Variants in RNF216 observed in about 807,000 individuals in gnomAD.
RNF216 encodes the protein E3 ubiquitin-protein ligase RNF216.
Under a neutral mutation model 110.8 loss-of-function variants are expected in RNF216, and 72 were observed. That is an observed-to-expected ratio of 0.65 (90% CI 0.54 to 0.79). RNF216 has a LOEUF of 0.79. Ranked by LOEUF, RNF216 falls within the 30% of genes least tolerant of loss-of-function variation. The probability of loss-of-function intolerance (pLI) is 0.00; values close to 1 mark genes in which losing one functional copy is unlikely to be tolerated. For missense variants in RNF216, 1,342 were observed against 1,141.2 expected, an observed-to-expected ratio of 1.18 and a Z score of -2.54; for synonymous variants, 495 against 407.5, an observed-to-expected ratio of 1.21 and a Z score of -2.59.
At chr7:5,691,444 CAA>C (rs1286948593) in intron 13 of RNF216, among the ~76,000 whole-genome samples, 3 of 148,192 alleles carry the variant, frequency 2.0e-5, no homozygotes, top group East Asian at 4.0e-4. Flanking sequence ...CGTAAGTGTA[CAA>C]GAGAGGTTTC....
intron 2 of RNF216, among the ~76,000 whole-genome samples, chr7:5,758,464 G>C (rs189624649): frequency 8.5e-5 from 13 of 152,176 alleles, no homozygotes; most frequent in Admixed American, 4.6e-4. Flanking sequence ...GAGCAACACT[G>C]ATTTCAACAG....
intron 14 of RNF216, among the ~76,000 whole-genome samples, chr7:5,643,695 G>C (rs535774016): frequency 1.4e-4 from 21 of 152,118 alleles, no homozygotes; most frequent in Non-Finnish European, 2.2e-4. Context: ...ACATAAAATT[G>C]ACTTTTTAAA....
intron 14 of RNF216, among the ~76,000 whole-genome samples, chr7:5,646,329 T>G (rs541854488): frequency 6.6e-6 from 1 of 151,064 alleles, no homozygotes; most frequent in East Asian, 2.0e-4. Flanking sequence ...GATCGCATCA[T>G]TGCCACTGCA....
At chr7:5,632,488 G>A (rs573651000) in intron 15 of RNF216, among the ~76,000 whole-genome samples, 3 of 152,228 alleles carry the variant, frequency 2.0e-5, no homozygotes, top group Non-Finnish European at 4.4e-5. Flanking sequence ...GGTGTCCCTG[G>A]ATCAGCAAGG....
chr7:5,630,352 C>G (rs1782289692), intron 15 of RNF216, among the ~76,000 whole-genome samples: 1 of 152,148 alleles, frequency 6.6e-6, no homozygotes, highest in Admixed American at 6.5e-5. Flanking sequence ...CTTTCCAAAA[C>G]AGGTTAGGGT....
intron 3 of RNF216, among the ~76,000 whole-genome samples, chr7:5,743,865 A>C (rs1794898889): frequency 6.6e-6 from 1 of 152,180 alleles, no homozygotes; most frequent in African/African-American, 2.4e-5. Flanking sequence ...CAGCGTGGAG[A>C]GTTTAACTCC....
chr7:5,669,183 G>T (rs1328916850), intron 13 of RNF216, among the ~76,000 whole-genome samples: 1 of 152,172 alleles, frequency 6.6e-6, no homozygotes, highest in Non-Finnish European at 1.5e-5. Context: ...GGGCGGTCGG[G>T]CTCCAGCTAT....
chr7:5,748,757 G>T (rs1298889666), intron 3 of RNF216, among the ~76,000 whole-genome samples: 2 of 152,002 alleles, frequency 1.3e-5, no homozygotes, highest in Non-Finnish European at 2.9e-5. Context: ...TAAGGCTTTG[G>T]TCAACAGTAT....
chr7:5,674,867 C>T (rs944647129), intron 13 of RNF216, among the ~76,000 whole-genome samples: 27 of 151,842 alleles, frequency 1.8e-4, no homozygotes, highest in Admixed American at 1.6e-3. Context: ...CATAGTGGCA[C>T]GCACCTGTAA....
chr7:5,651,969 T>C (rs978501365), intron 14 of RNF216, among the ~76,000 whole-genome samples: 7 of 152,212 alleles, frequency 4.6e-5, no homozygotes, highest in Non-Finnish European at 1.0e-4. Context: ...AGTGAGTATT[T>C]GTAATGTGCT....
intron 13 of RNF216, among the ~76,000 whole-genome samples, chr7:5,682,104 G>T (rs1790690976): frequency 6.6e-6 from 1 of 152,220 alleles, no homozygotes; most frequent in African/African-American, 2.4e-5. Context: ...GCAGACACAG[G>T]CACCTGAGGC....
chr7:5,728,464 C>T (rs576140174), intron 7 of RNF216, among the ~76,000 whole-genome samples: 2 of 151,970 alleles, frequency 1.3e-5, no homozygotes, highest in Non-Finnish European at 2.9e-5. Flanking sequence ...GTCCCAGCTA[C>T]TCAGGAGGCT....
Position 5,622,854 on chromosome 7 carries a change from G to A in RNF216, c.*6C>T, listed in dbSNP as rs1390481312. ...CTTTGTGCTGCTCAATGGGGATTCG[G>A]GGCCATCAGAAGCGATGCCGCGGCT... On this transcript the variant is annotated 3_prime_UTR_variant, in exon 17 of 17. Transcript: ENST00000389902. The A allele has an allele frequency of 3.8e-6, 6 of 1,592,328 alleles. No individual in the cohort carries two copies. The highest frequency in any genetic ancestry group is 1.1e-5 in the South Asian group (1 of 88,884).
At chr7:5,760,154 T>C (rs904758695) in intron 2 of RNF216, among the ~76,000 whole-genome samples, 11 of 152,164 alleles carry the variant, frequency 7.2e-5, no homozygotes, top group Non-Finnish European at 1.5e-4. Context: ...TTCACAAACA[T>C]GTAAGAATGT....
chr7:5,675,759 T>G (rs852406), intron 13 of RNF216, among the ~76,000 whole-genome samples: 108,763 of 150,060 alleles, frequency 0.72, 40,093 homozygotes, highest in East Asian at 1. Flanking sequence ...GCCCAGGCTG[T>G]AACGCAATGG....
intron 13 of RNF216, among the ~76,000 whole-genome samples, chr7:5,705,854 C>T (rs571200010): frequency 1.8e-4 from 28 of 151,578 alleles, no homozygotes; most frequent in African/African-American, 5.6e-4. Context: ...TTATGGTGAG[C>T]CAAGATCATA....
At position 5,652,529 on chromosome 7, in the gene RNF216, C is replaced by A; in HGVS notation, c.2062-19G>T. The A allele has an allele frequency of 6.4e-7, 1 of 1,550,784 alleles. No homozygotes were observed. Among genetic ancestry groups the A allele is most frequent in the Non-Finnish European group, 8.9e-7 (1 of 1,122,274 alleles). ...AGGTTTCCTGGGGATAAAGGACAGA[C>A]ACAAAGACAACTCCTGGTGAGTGGA... is the stretch of plus-strand genomic sequence containing the variant. On this transcript the variant is annotated intron_variant, in intron 13 of 16. Coordinates refer to ENST00000389902, the MANE Select transcript of RNF216 (RefSeq NM_207111.4).
chr7:5,692,635 A>G (rs190448408), intron 13 of RNF216, among the ~76,000 whole-genome samples: 1 of 152,322 alleles, frequency 6.6e-6, no homozygotes, highest in African/African-American at 2.4e-5. Flanking sequence ...CACACACCAC[A>G]AAACGCCATC....
chr7:5,753,491 C>G (rs1795440719), intron 2 of RNF216, among the ~76,000 whole-genome samples: 1 of 152,170 alleles, frequency 6.6e-6, no homozygotes, highest in Admixed American at 6.5e-5. Flanking sequence ...ACCCATTTAG[C>G]ATCTATGACA....
Sources: gnomAD v4.1 joint callset for allele counts (sites outside exome capture counted in the v4.1 genomes callset) on GRCh38, gnomAD v4.1.1 for gene constraint, MANE v1.5 for transcripts, NCBI Gene and HGNC (gene_info 2026-07-23, HGNC 2026-07-21) for gene names.